Variants in KIF2A observed in about 807,000 individuals in gnomAD.
KIF2A encodes the protein kinesin family member 2A.
KIF2A carries 22 observed loss-of-function variants against 100.2 expected under a neutral mutation model. The ratio of observed to expected loss-of-function variants is 0.22; its 90% CI spans 0.16 to 0.31. The LOEUF is 0.31. KIF2A is among the 10% of genes least tolerant of loss of function. KIF2A has a pLI of 1.00. For synonymous variants in KIF2A, 268 were observed against 285.9 expected, an observed-to-expected ratio of 0.94 and a Z score of 0.63; for missense variants, 495 against 898.7, an observed-to-expected ratio of 0.55 and a Z score of 5.74.
chr5:62,350,972 C>G (rs1309218692), intron 4 of KIF2A, among the ~76,000 whole-genome samples: 2 of 152,038 alleles, frequency 1.3e-5, no homozygotes, highest in Non-Finnish European at 2.9e-5. Flanking sequence ...TGGCTCACCC[C>G]TGAAATCCCA....
chr5:62,361,220 A>G (rs766314804), intron 9 of KIF2A, 22 bp from the exon 10 acceptor site: 27 of 1,342,428 alleles, frequency 2.0e-5, no homozygotes, highest in Non-Finnish European at 2.8e-5. Context: ...ACACATTCTG[A>G]CTGATGCATT....
At chr5:62,369,009 G>T (rs1423515035) in intron 16 of KIF2A, among the ~76,000 whole-genome samples, 7 of 152,110 alleles carry the variant, frequency 4.6e-5, no homozygotes, top group Non-Finnish European at 1.0e-4. Context: ...TAGTGTAATA[G>T]ATTCTTGCCA....
rs868477495 is a variant in KIF2A at position 62,362,453 on chromosome 5, G to A, written c.1031G>A (p.Arg344Gln). 2.8e-6 allele frequency: 4 copies of A among 1,418,394 alleles called. No homozygotes were observed. The highest frequency in any genetic ancestry group is 3.7e-6 in the Non-Finnish European group (4 of 1,081,926). 87.9% of individuals were successfully genotyped at this position (1,418,394 alleles called of 1,614,324 possible). The change falls in exon 12 of 21, where the codon CGA (arginine) becomes CAA (glutamine). Residue 344 changes from arginine to glutamine, a missense_variant. Transcript: ENST00000407818. Reference protein sequence around the residue: ...CSKGIYALAARDVFLMLKKPN... With the variant: ...CSKGIYALAAQDVFLMLKKPN... ...CTGTATATGAAATTTTTGACAGCTC[G>A]AGATGTCTTTTTAATGCTAAAGAAG... is the stretch of plus-strand genomic sequence containing the variant.
At chr5:62,314,848 C>T (rs976005022) in intron 1 of KIF2A, among the ~76,000 whole-genome samples, 5 of 150,614 alleles carry the variant, frequency 3.3e-5, no homozygotes, top group African/African-American at 9.8e-5. Context: ...CTGCAACCTC[C>T]GCCTCCTGGG....
chr5:62,329,845 C>T (rs1252418303), intron 1 of KIF2A, among the ~76,000 whole-genome samples: 2 of 152,122 alleles, frequency 1.3e-5, no homozygotes, highest in South Asian at 2.1e-4. Context: ...TTTTAGAATT[C>T]TTTTAATAAG....
intron 1 of KIF2A, among the ~76,000 whole-genome samples, chr5:62,343,609 A>G (rs1299745426): frequency 6.6e-6 from 1 of 152,210 alleles, no homozygotes; most frequent in African/African-American, 2.4e-5. Context: ...GCAAAGGAGT[A>G]ATATCTGACT....
chr5:62,306,633 C>T (rs986398552), intron 1 of KIF2A, 97 bp downstream of exon 1: 5 of 1,015,664 alleles, frequency 4.9e-6, no homozygotes, highest in African/African-American at 1.7e-5. Flanking sequence ...ATTGCTTCGC[C>T]GGGCTGTGGG....
chr5:62,317,937 T>G (rs1224497574), intron 1 of KIF2A, among the ~76,000 whole-genome samples: 1 of 152,192 alleles, frequency 6.6e-6, no homozygotes, highest in Non-Finnish European at 1.5e-5. Flanking sequence ...CTCACAAGAC[T>G]TTAGACAATT....
chr5:62,323,418 G>A lies in KIF2A; in HGVS notation c.64+16882G>A, dbSNP rs181085305. Among the ~76,000 whole-genome samples the A allele has an allele frequency of 9.9e-4, 150 of 151,386 alleles. 4 individuals carry two copies. In the East Asian group the frequency reaches 0.026, roughly 26 times the overall value. ...GGCGCCTGTAGTCCTAGCTACTTGG[G>A]AGGCTGAGGCAGGAGAATGGCGTGA... On this transcript the variant is annotated intron_variant, in intron 1 of 20. Coordinates refer to ENST00000407818, the MANE Select transcript of KIF2A (RefSeq NM_001098511.3).
chr5:62,361,590 T>G (rs912499398), intron 11 of KIF2A, 61 bp downstream of exon 11: 1 of 920,934 alleles, frequency 1.1e-6, no homozygotes, highest in Non-Finnish European at 1.8e-6. Context: ...CAGGTAACTT[T>G]GAAATAAGGC....
chr5:62,387,309 A>G lies in KIF2A; in HGVS notation c.*1740A>G, dbSNP rs1742078167. 1 of 152,204 alleles carries G rather than the reference A, an allele frequency of 6.6e-6. No homozygotes were observed. The highest frequency in any genetic ancestry group is 2.4e-5 in the African/African-American group (1 of 41,440). The allele number at this position is 152,204 out of a possible 1,614,324, so 9.4% of individuals were successfully genotyped here. A position where few individuals can be genotyped will look rare whatever the true frequency, so the allele number is the denominator to read the frequency against. ...AGAGGAAGGATGGAGAACTGTTACA[A>G]TTGACCTTGCAAAGGATATTTAAAA... is the stretch of plus-strand genomic sequence containing the variant. On this transcript the variant is annotated 3_prime_UTR_variant, in exon 21 of 21. Coordinates refer to ENST00000407818, the MANE Select transcript of KIF2A (RefSeq NM_001098511.3).
At chr5:62,359,494 AC>A (rs1468957057) in intron 9 of KIF2A, among the ~76,000 whole-genome samples, 1 of 151,974 alleles carries the variant, frequency 6.6e-6, no homozygotes, top group Non-Finnish European at 1.5e-5. Flanking sequence ...ACATATGAAT[AC>A]TAGATAGAGA....
intron 20 of KIF2A, among the ~76,000 whole-genome samples, chr5:62,382,634 G>GTTTTTTTTT (rs35714674): frequency 7.4e-6 from 1 of 134,802 alleles, no homozygotes; most frequent in African/African-American, 2.8e-5. Flanking sequence ...CAGGTTTCAG[G>GTTTTTTTTT]TTTTTTTTTT....
chr5:62,381,285 C>G, intron 20 of KIF2A, 32 bp downstream of exon 20: 2 of 1,592,498 alleles, frequency 1.3e-6, no homozygotes, highest in Admixed American at 3.3e-5. Flanking sequence ...TGTTTGAAAT[C>G]TGATTGGTAT....
chr5:62,366,289 T>C, intron 15 of KIF2A, 125 bp from the exon 16 acceptor site: 2 of 661,058 alleles, frequency 3.0e-6, no homozygotes, highest in Non-Finnish European at 2.7e-6. Flanking sequence ...AGTTGAGATA[T>C]CATTAATAAG....
rs1434015726 is a variant in KIF2A, at chr5:62,390,927, G to A, written c.*5358G>A. ...ACGGGCCCGTTTGTCACTAAAACCT[G>A]TGCTGGTTAGGATTTGCTGTATTTT... On this transcript the variant is annotated 3_prime_UTR_variant, in exon 21 of 21. Coordinates refer to ENST00000407818, the MANE Select transcript of KIF2A (RefSeq NM_001098511.3). 6.2e-7 allele frequency: 1 copy of A among 1,612,270 alleles called. No homozygotes were observed. Among genetic ancestry groups the A allele is most frequent in the East Asian group, 2.2e-5 (1 of 44,886 alleles).
rs368021683 is a variant in KIF2A at position 62,362,486 on chromosome 5, A to G, written c.1064A>G (p.Tyr355Cys). 345 of 1,467,338 alleles carry G rather than the reference A, an allele frequency of 2.4e-4. No homozygotes were observed. The highest frequency in any genetic ancestry group is 3.0e-4 in the Non-Finnish European group (332 of 1,111,532). 90.9% of individuals were successfully genotyped at this position (1,467,338 alleles called of 1,614,324 possible). A position where few individuals can be genotyped will look rare whatever the true frequency, so the allele number is the denominator to read the frequency against. Residue 355 changes from tyrosine to cysteine, a missense_variant, in exon 12 of 21, where the codon TAT (tyrosine) becomes TGT (cysteine). Physicochemically the swap from Tyr to Cys is radical, Grantham distance 194. This residue lies in a region of KIF2A where 22 missense variants were observed against 19.3 expected (regional missense o/e 1.14). Transcript: ENST00000407818. ...DVFLMLKKPN[Y>C]KKLELQVYAT... ...TTTTTAATGCTAAAGAAGCCAAACT[A>G]TAAGAAGCTAGAACTTCAAGTATAT... is the stretch of plus-strand genomic sequence containing the variant.
At chr5:62,344,138 G>C (rs1364479392) in intron 1 of KIF2A, among the ~76,000 whole-genome samples, 1 of 152,154 alleles carries the variant, frequency 6.6e-6, no homozygotes, top group Non-Finnish European at 1.5e-5. Context: ...GAAGTCAAGA[G>C]ATGGAGACCA....
At chr5:62,342,444 C>A (rs1747344005) in intron 1 of KIF2A, among the ~76,000 whole-genome samples, 1 of 152,152 alleles carries the variant, frequency 6.6e-6, no homozygotes, top group African/African-American at 2.4e-5. Context: ...GTGCAGTTAG[C>A]TGACAACCTC....
Sources: allele counts gnomAD v4.1 joint callset (sites outside exome capture counted in the v4.1 genomes callset), GRCh38; gene constraint gnomAD v4.1.1; regional missense constraint gnomAD v4.1.1; transcripts MANE v1.5; gene names NCBI Gene and HGNC (gene_info 2026-07-23, HGNC 2026-07-21).